Variants in MSRA observed in about 807,000 individuals in gnomAD.
MSRA encodes the protein methionine sulfoxide reductase A, also known as mitochondrial peptide methionine sulfoxide reductase.
A neutral mutation model predicts 31.3 loss-of-function variants in MSRA; 54 were observed. The observed-to-expected ratio is 1.73, with a 90% confidence interval of 1.39 to 2.17. MSRA has a LOEUF of 2.17. Ranked by LOEUF, MSRA falls within the 30% of genes most tolerant of loss-of-function variation. MSRA has a pLI of 0.00. For synonymous variants in MSRA, 169 were observed against 116.5 expected (o/e 1.45, Z -2.90); for missense variants, 507 against 300.9 (o/e 1.69, Z -5.07).
At chr8:10,105,221 A>G (rs772489409) in intron 1 of MSRA, among the ~76,000 whole-genome samples, 16 of 152,030 alleles carry the variant, frequency 1.1e-4, no homozygotes, top group Non-Finnish European at 1.5e-4. Context: ...TCCTTATGGC[A>G]ACTTTGGAAA....
chr8:10,066,094 C>G (rs1797442203), intron 1 of MSRA, among the ~76,000 whole-genome samples: 1 of 152,012 alleles, frequency 6.6e-6, no homozygotes, highest in Non-Finnish European at 1.5e-5. Context: ...ATGATCTCGG[C>G]TCACTGCACC....
At chr8:10,212,509 C>G (rs913807102) in intron 2 of MSRA, among the ~76,000 whole-genome samples, 1 of 152,160 alleles carries the variant, frequency 6.6e-6, no homozygotes, top group African/African-American at 2.4e-5. Flanking sequence ...CACATCCACA[C>G]TAGTAGTTAC....
chr8:10,097,276 T>G (rs1799222411), intron 1 of MSRA, among the ~76,000 whole-genome samples: 1 of 152,200 alleles, frequency 6.6e-6, no homozygotes. Flanking sequence ...TTCTGTAAAA[T>G]GAAATCACTT....
chr8:10,145,146 G>A (rs1009462670), intron 1 of MSRA, among the ~76,000 whole-genome samples: 4 of 152,162 alleles, frequency 2.6e-5, no homozygotes, highest in African/African-American at 9.7e-5. Context: ...TTTTTCACTG[G>A]CGGAGCTGAG....
chr8:10,080,828 C>T (rs921815845), intron 1 of MSRA, among the ~76,000 whole-genome samples: 13 of 152,054 alleles, frequency 8.5e-5, no homozygotes, highest in Admixed American at 6.5e-4. Context: ...TGTGAGCCAC[C>T]GTGCCTGGCC....
At chr8:10,270,274 C>T (rs926769572) in intron 3 of MSRA, among the ~76,000 whole-genome samples, 1 of 152,114 alleles carries the variant, frequency 6.6e-6, no homozygotes, top group Non-Finnish European at 1.5e-5. Flanking sequence ...GTAGCTATTT[C>T]TGTTTCAAGT....
chr8:10,420,097 G>A (rs1808720104), intron 5 of MSRA, among the ~76,000 whole-genome samples: 1 of 152,170 alleles, frequency 6.6e-6, no homozygotes, highest in Admixed American at 6.5e-5. Flanking sequence ...GGAATAGTGT[G>A]CAGCCTTAAA....
At chr8:10,228,818 A>G (rs1340579181) in intron 2 of MSRA, among the ~76,000 whole-genome samples, 1 of 152,138 alleles carries the variant, frequency 6.6e-6, no homozygotes, top group Non-Finnish European at 1.5e-5. Context: ...ACATATACAG[A>G]TATCAGTGTG....
At chr8:10,135,383 C>T (rs1039622610) in intron 1 of MSRA, among the ~76,000 whole-genome samples, 12 of 152,200 alleles carry the variant, frequency 7.9e-5, no homozygotes, top group Non-Finnish European at 1.6e-4. Flanking sequence ...CAGTTCCATT[C>T]TACCTAAAAT....
At chr8:10,375,711 C>G (rs1211860419) in intron 5 of MSRA, among the ~76,000 whole-genome samples, 1 of 152,186 alleles carries the variant, frequency 6.6e-6, no homozygotes, top group Non-Finnish European at 1.5e-5. Context: ...GTACACCATG[C>G]TGGTGCCTGC....
At chr8:10,178,627 T>C (rs1806273669) in intron 1 of MSRA, among the ~76,000 whole-genome samples, 1 of 152,184 alleles carries the variant, frequency 6.6e-6, no homozygotes, top group South Asian at 2.1e-4. Context: ...AAAGCATAGA[T>C]TGACTTTGCA....
chr8:10,428,397 G>A lies in MSRA; in HGVS notation c.*85G>A. The A allele has an allele frequency of 1.4e-6, 2 of 1,427,246 alleles. No individual in the cohort carries two copies. Among genetic ancestry groups the A allele is most frequent in the Non-Finnish European group, 1.9e-6 (2 of 1,035,576 alleles). The allele number at this position is 1,427,246 out of a possible 1,614,324, so 88.4% of individuals were successfully genotyped here. ...AATGCTTGTGTGATTCACAATCGTGGCATTTAAAGTGCACAAAGTACAAAG... is the reference window on the plus strand; with the variant it reads ...AATGCTTGTGTGATTCACAATCGTGACATTTAAAGTGCACAAAGTACAAAG... On this transcript the variant is annotated 3_prime_UTR_variant, in exon 6 of 6. Coordinates refer to ENST00000317173, the MANE Select transcript of MSRA (RefSeq NM_012331.5).
At chr8:10,085,425 C>T (rs920018430) in intron 1 of MSRA, among the ~76,000 whole-genome samples, 4 of 152,200 alleles carry the variant, frequency 2.6e-5, no homozygotes, top group Non-Finnish European at 5.9e-5. Flanking sequence ...TTTCTTGCCA[C>T]GTGATATCTA....
At chr8:10,376,627 G>A (rs1251682634) in intron 5 of MSRA, among the ~76,000 whole-genome samples, 3 of 152,130 alleles carry the variant, frequency 2.0e-5, no homozygotes, top group Non-Finnish European at 4.4e-5. Flanking sequence ...ATAAATAGTA[G>A]CCTCTATTAA....
intron 1 of MSRA, among the ~76,000 whole-genome samples, chr8:10,151,811 T>C (rs906016445): frequency 6.6e-6 from 1 of 152,214 alleles, no homozygotes; most frequent in African/African-American, 2.4e-5. Flanking sequence ...TTATTTCTTA[T>C]TCTGCGTGTG....
intron 5 of MSRA, among the ~76,000 whole-genome samples, chr8:10,409,380 C>G (rs1042780869): frequency 4.6e-5 from 7 of 152,126 alleles, no homozygotes; most frequent in Admixed American, 4.6e-4. Context: ...AAGTTCATCT[C>G]TCCCCTCATG....
At chr8:10,183,799 G>A (rs1806763956) in intron 1 of MSRA, among the ~76,000 whole-genome samples, 2 of 150,950 alleles carry the variant, frequency 1.3e-5, no homozygotes, top group South Asian at 2.1e-4. Context: ...GGTGGTGGTG[G>A]TGGTGGTGGT....
Position 10,360,798 on chromosome 8 carries a change from G to C in MSRA, c.543+40809G>C, listed in dbSNP as rs113883684. Among the ~76,000 whole-genome samples, 1,522 of 152,288 alleles carry C rather than the reference G, an allele frequency of 1.0e-2. 27 individuals carry two copies. The highest frequency in any genetic ancestry group is 0.035 in the African/African-American group (1,446 of 41,548). On this transcript the variant is annotated intron_variant, in intron 5 of 5. Transcript: ENST00000317173. ...ATCTGGGAGGAGTCCACCCTCTAGT[G>C]GGGGAGAGTGGCTCTCTGCTGCCTG...
chr8:10,348,708 G>A (rs964871309), intron 5 of MSRA, among the ~76,000 whole-genome samples: 2 of 152,062 alleles, frequency 1.3e-5, no homozygotes, highest in African/African-American at 2.4e-5. Context: ...TACTACCAAG[G>A]CATCTAAAAT....
Sources: gnomAD v4.1 joint callset for allele counts (sites outside exome capture counted in the v4.1 genomes callset) on GRCh38, gnomAD v4.1.1 for gene constraint, MANE v1.5 for transcripts, NCBI Gene and HGNC (gene_info 2026-07-23, HGNC 2026-07-21) for gene names.